RUNX1: variants seen among roughly 807,000 people sequenced by gnomAD.
RUNX1 encodes the protein runt-related transcription factor 1.
RUNX1 carries 19 observed loss-of-function variants against 42.8 expected under a neutral mutation model. The observed-to-expected ratio is 0.44, with a 90% CI of 0.31 to 0.65. The LOEUF (loss-of-function observed/expected upper bound fraction) is 0.65, where lower values mean the gene tolerates loss of function less well. Among genes scored for constraint, RUNX1 ranks in the 30% least tolerant of loss-of-function variants. The pLI is 0.07. For synonymous variants in RUNX1, 271 were observed against 289.4 expected (o/e 0.94, Z 0.64); for missense variants, 528 against 672.0 (o/e 0.79, Z 2.37).
intron 2 of RUNX1, among the ~76,000 whole-genome samples, chr21:34,909,031 C>T (rs1449413482): frequency 6.6e-6 from 1 of 152,080 alleles, no homozygotes; most frequent in Non-Finnish European, 1.5e-5. Context: ...TATCCTATAC[C>T]AATAATTTAT....
chr21:34,951,077 C>T (rs1033484336), intron 2 of RUNX1, among the ~76,000 whole-genome samples: 15 of 152,162 alleles, frequency 9.9e-5, no homozygotes, highest in Admixed American at 6.5e-4. Context: ...ACAAGGTATG[C>T]GTGTTTTACA....
intron 2 of RUNX1, among the ~76,000 whole-genome samples, chr21:34,929,064 T>C (rs1473352323): frequency 1.3e-5 from 2 of 152,144 alleles, no homozygotes; most frequent in East Asian, 3.8e-4. Flanking sequence ...ATGTCCTCTT[T>C]ATCTCAACTC....
At chr21:35,018,021 TTTTG>T (rs559786429) in intron 2 of RUNX1, among the ~76,000 whole-genome samples, 121 of 152,114 alleles carry the variant, frequency 8.0e-4, no homozygotes, top group Non-Finnish European at 1.4e-3. Context: ...TATTTCCTGT[TTTTG>T]TTTGTTTGTT....
intron 2 of RUNX1, among the ~76,000 whole-genome samples, chr21:34,926,983 T>C (rs1021065782): frequency 1.3e-5 from 2 of 152,076 alleles, no homozygotes; most frequent in Non-Finnish European, 2.9e-5. Context: ...TCCCCAGAGG[T>C]CCCTTTGGCT....
chr21:35,014,753 C>T (rs1371864899), intron 2 of RUNX1, among the ~76,000 whole-genome samples: 2 of 152,240 alleles, frequency 1.3e-5, no homozygotes, highest in African/African-American at 2.4e-5. Flanking sequence ...CAGCCACAGA[C>T]GGGGCTGAGC....
intron 2 of RUNX1, among the ~76,000 whole-genome samples, chr21:35,012,446 TAAATTAATAGATTTTTGTATAACTC>T: frequency 6.6e-6 from 1 of 152,264 alleles, no homozygotes; most frequent in Admixed American, 6.5e-5. Flanking sequence ...TGAGCCATGA[TAAATTAATAGATTTTTGTATAACTC>T]TCAGATATTT....
At chr21:34,975,592 T>TG (rs893251542) in intron 2 of RUNX1, among the ~76,000 whole-genome samples, 1 of 152,144 alleles carries the variant, frequency 6.6e-6, no homozygotes. Flanking sequence ...CCATGGATAC[T>TG]GGGGGGTGAC....
rs540554446 is a variant in RUNX1, at chr21:34,829,706, T to C, written c.805+4704A>G. On this transcript the variant is annotated intron_variant, in intron 7 of 8. Coordinates refer to ENST00000675419, the MANE Select transcript of RUNX1 (RefSeq NM_001754.5). Reference sequence around the variant, plus strand: ...TAGATTCACATATGAGGATTTCTGGTGTTTGATTGTAGCCTCCACTTTCAA... The same window carrying C: ...TAGATTCACATATGAGGATTTCTGGCGTTTGATTGTAGCCTCCACTTTCAA... 3.9e-5 allele frequency: 6 copies of C among 152,240 alleles called. No individual in the cohort carries two copies. The South Asian group carries it at 1.2e-3, about 31-fold the overall frequency. 9.4% of individuals were successfully genotyped at this position (152,240 alleles called of 1,614,324 possible).
intron 2 of RUNX1, among the ~76,000 whole-genome samples, chr21:34,964,214 C>G (rs919074190): frequency 1.3e-5 from 2 of 152,158 alleles, no homozygotes; most frequent in African/African-American, 4.8e-5. Context: ...ATGGGACGGG[C>G]ACGGTGGCTC....
chr21:34,789,604 G>GCACA lies in RUNX1; in HGVS notation c.*2527_*2530dup, dbSNP rs139307340. The GCACA allele has an allele frequency of 8.9e-6, 2 of 224,776 alleles. No individual in the cohort carries two copies. The highest frequency in any genetic ancestry group is 1.7e-5 in the Non-Finnish European group (2 of 115,322). The allele number at this position is 224,776 out of a possible 1,614,324, so 13.9% of individuals were successfully genotyped here. On this transcript the variant is annotated 3_prime_UTR_variant, in exon 9 of 9. Coordinates refer to ENST00000675419, the MANE Select transcript of RUNX1 (RefSeq NM_001754.5). ...ATTTTTCACACACACACACACACAC[G>GCACA]CACACACACACACATACAAAAATGT...
chr21:34,860,825 C>T (rs1177239424), intron 5 of RUNX1, among the ~76,000 whole-genome samples: 1 of 152,106 alleles, frequency 6.6e-6, no homozygotes, highest in African/African-American at 2.4e-5. Context: ...GAAAAATGCT[C>T]AATGAAAATA....
At chr21:34,929,580 C>T (rs2058424474) in intron 2 of RUNX1, among the ~76,000 whole-genome samples, 1 of 152,102 alleles carries the variant, frequency 6.6e-6, no homozygotes, top group South Asian at 2.1e-4. Flanking sequence ...TACCTTTTGG[C>T]TGAACAACAT....
chr21:34,976,627 G>A (rs1474823980), intron 2 of RUNX1, among the ~76,000 whole-genome samples: 3 of 152,184 alleles, frequency 2.0e-5, no homozygotes, highest in Admixed American at 2.0e-4. Context: ...CAGAAGGGAG[G>A]ACGGATACAA....
chr21:35,046,962 C>T (rs993518494), intron 2 of RUNX1, among the ~76,000 whole-genome samples: 2 of 152,098 alleles, frequency 1.3e-5, no homozygotes, highest in African/African-American at 4.8e-5. Context: ...GAGTGTCCAT[C>T]GGGCACAGGA....
chr21:35,020,521 A>T (rs545799284), intron 2 of RUNX1, among the ~76,000 whole-genome samples: 93 of 152,292 alleles, frequency 6.1e-4, no homozygotes, highest in African/African-American at 2.1e-3. Flanking sequence ...GTAGAAGGCA[A>T]TGAGACCCGA....
chr21:34,792,498 G>A lies in RUNX1; in HGVS notation c.1080C>T (p.Val360=). The A allele has an allele frequency of 6.3e-7, 1 of 1,597,202 alleles. No individual in the cohort carries two copies. Among genetic ancestry groups the A allele is most frequent in the Non-Finnish European group, 8.5e-7 (1 of 1,171,940 alleles). ...PGAFTYSPTP[V]TSGIGIGMSA... is the part of the protein sequence containing the mutation. The stretch of plus-strand genomic sequence containing the variant: ...ACATGCCGATGCCGATGCCCGAGGT[G>A]ACCGGCGTCGGGGAGTAGGTGAAGG... Residue 360 remains valine (V), a synonymous_variant, in exon 9 of 9, where the codon GTC becomes GTT. Coordinates refer to ENST00000675419, the MANE Select transcript of RUNX1 (RefSeq NM_001754.5). This position sits in a 1 kb window ranked among gnomAD's most constrained non-coding sequence, Gnocchi z 6.9.
At chr21:34,854,252 T>C in intron 6 of RUNX1, among the ~76,000 whole-genome samples, 1 of 152,228 alleles carries the variant, frequency 6.6e-6, no homozygotes, top group East Asian at 1.9e-4. Context: ...TCATATGACA[T>C]GATCTCAACC....
chr21:34,919,510 C>A (rs192795124), intron 2 of RUNX1, among the ~76,000 whole-genome samples: 1 of 152,314 alleles, frequency 6.6e-6, no homozygotes, highest in Admixed American at 6.5e-5. Flanking sequence ...TGACCAGGCA[C>A]CATTGGCCTG....
intron 2 of RUNX1, among the ~76,000 whole-genome samples, chr21:34,952,233 G>A (rs902724022): frequency 6.6e-6 from 1 of 152,088 alleles, no homozygotes; most frequent in Non-Finnish European, 1.5e-5. Flanking sequence ...TCGGGGGATG[G>A]GGGTCTAGGG....
Sources: allele counts gnomAD v4.1 joint callset (sites outside exome capture counted in the v4.1 genomes callset), GRCh38; gene constraint gnomAD v4.1.1; non-coding constraint Gnocchi (gnomAD v3.1); transcripts MANE v1.5; gene names NCBI Gene and HGNC (gene_info 2026-07-23, HGNC 2026-07-21).